CCDC15: variants seen among roughly 807,000 people sequenced by gnomAD.
CCDC15 encodes the protein coiled-coil domain-containing protein 15.
Under a neutral mutation model 114.5 loss-of-function variants are expected in CCDC15, and 105 were observed. That is an observed-to-expected ratio of 0.92 (90% CI 0.78 to 1.08). The LOEUF is 1.08. Among genes scored for constraint, CCDC15 ranks in the 50% least tolerant of loss-of-function variants. CCDC15 has a pLI of 0.00. For missense variants in CCDC15, 1,105 were observed against 1,093.6 expected (o/e 1.01, Z -0.15); for synonymous variants, 334 against 377.8 (o/e 0.88, Z 1.34).
chr11:125,006,687 T>A (rs370030835), intron 13 of CCDC15, among the ~76,000 whole-genome samples: 44 of 152,326 alleles, frequency 2.9e-4, no homozygotes, highest in African/African-American at 9.6e-4. Context: ...CTTTGTTAAT[T>A]TTTGTGAGAG....
chr11:124,989,063 T>TA (rs532163380), intron 8 of CCDC15, among the ~76,000 whole-genome samples: 113 of 152,366 alleles, frequency 7.4e-4, no homozygotes, highest in Admixed American at 2.6e-3. Context: ...GGTATCAACT[T>TA]ACTTTGCCCA....
intron 4 of CCDC15, among the ~76,000 whole-genome samples, chr11:124,960,912 A>G (rs183811278): frequency 7.9e-5 from 12 of 152,344 alleles, no homozygotes; most frequent in African/African-American, 2.9e-4. Flanking sequence ...TGAGTATGTG[A>G]AAATAAAAGC....
At chr11:124,975,419 GTGTC>G (rs1191168342) in intron 5 of CCDC15, among the ~76,000 whole-genome samples, 1 of 152,150 alleles carries the variant, frequency 6.6e-6, no homozygotes. Flanking sequence ...ATAAGGGAAA[GTGTC>G]TGTGATATAA....
intron 11 of CCDC15, among the ~76,000 whole-genome samples, chr11:124,999,854 CTTTTTTTTTTT>C (rs768089942): frequency 1.4e-5 from 1 of 70,122 alleles, no homozygotes; most frequent in East Asian, 3.8e-4. Flanking sequence ...GTATCCTAGA[CTTTTTTTTTTT>C]TTTTTTTTTT....
chr11:125,035,768 G>A (rs1002910604), intron 13 of CCDC15, among the ~76,000 whole-genome samples: 3 of 152,014 alleles, frequency 2.0e-5, no homozygotes, highest in Admixed American at 6.5e-5. Context: ...GTTACGATGA[G>A]GCTTGCAAAT....
chr11:124,969,321 C>G (rs1947840225), intron 4 of CCDC15, among the ~76,000 whole-genome samples: 1 of 152,092 alleles, frequency 6.6e-6, no homozygotes, highest in Admixed American at 6.5e-5. Flanking sequence ...GAAGAAATTT[C>G]AAGTGTCTTA....
At chr11:124,964,349 G>T (rs578165145) in intron 4 of CCDC15, among the ~76,000 whole-genome samples, 3 of 152,228 alleles carry the variant, frequency 2.0e-5, no homozygotes, top group Non-Finnish European at 4.4e-5. Flanking sequence ...CCTTGAAGAG[G>T]TCCTTCACAT....
At chr11:125,023,096 C>A (rs1256787453) in intron 13 of CCDC15, among the ~76,000 whole-genome samples, 13 of 151,796 alleles carry the variant, frequency 8.6e-5, no homozygotes, top group Admixed American at 6.6e-5. Flanking sequence ...TTTGCCTAAC[C>A]CAAGGTCACA....
rs575417338 is a variant in CCDC15, at chr11:125,028,223, G to A, written c.2412-10208G>A. 1.6e-3 allele frequency among the ~76,000 whole-genome samples: 247 copies of A among 152,238 alleles called. 2 individuals are homozygous for A. The Middle Eastern group carries it at 0.017, about 11-fold the overall frequency. ...CCTCCAGGTTTGTTCTCTTTTCTTA[G>A]TATTGCTTTGGCTATGTGGGCTCTT... On this transcript the variant is annotated intron_variant, in intron 13 of 15. Transcript: ENST00000344762.
Position 125,039,073 on chromosome 11 carries a change from A to C in CCDC15, c.2734+4A>C. ...ATTTTCTATAAAAACCACAGAGGTAAGTTTCTTGAAGGAATAGTCAGGGCC... is the reference window on the plus strand; with the variant it reads ...ATTTTCTATAAAAACCACAGAGGTACGTTTCTTGAAGGAATAGTCAGGGCC... On this transcript the variant is annotated splice_donor_region_variant and intron_variant, in intron 15 of 15. Coordinates refer to ENST00000344762, the MANE Select transcript of CCDC15 (RefSeq NM_025004.3). 6.3e-7 allele frequency: 1 copy of C among 1,582,874 alleles called. No individual in the cohort carries two copies.
At chr11:124,989,321 A>G (rs1404641151) in intron 8 of CCDC15, among the ~76,000 whole-genome samples, 1 of 152,224 alleles carries the variant, frequency 6.6e-6, no homozygotes, top group Non-Finnish European at 1.5e-5. Flanking sequence ...TAAGTGTAAA[A>G]TATTCTGTAA....
chr11:124,960,135 C>CT (rs57279788), intron 4 of CCDC15, 132 bp downstream of exon 4: 51,259 of 431,314 alleles, frequency 0.12, 1,631 homozygotes, highest in African/African-American at 0.15. Context: ...AATCATCCCC[C>CT]TTTTTTTTTT....
chr11:125,018,629 C>A (rs995467622), intron 13 of CCDC15, among the ~76,000 whole-genome samples: 1 of 151,900 alleles, frequency 6.6e-6, no homozygotes, highest in East Asian at 1.9e-4. Context: ...CCTCTATATA[C>A]AATAAGGATA....
In CCDC15 at chr11:124,986,700, T is replaced by TGTGTGTGTGTGCGCGC. The variant is rs878887902; in HGVS notation, c.754-41_754-40insTGTGTGTGTGCGCGCG. ...GTGTGTGTGTGTGTGTTTGTGTGTG[T>TGTGTGTGTGTGCGCGC]GCGCGCGCGCGCGTGCGCGTTTTCA... On this transcript the variant is annotated intron_variant, in intron 6 of 15. Transcript: ENST00000344762. The TGTGTGTGTGTGCGCGC allele has an allele frequency of 3.6e-4, 490 of 1,352,918 alleles. 1 individual carries two copies. In the African/African-American group the frequency reaches 5.4e-3, roughly 15 times the overall value. 83.8% of individuals were successfully genotyped at this position (1,352,918 alleles called of 1,614,324 possible). A position where few individuals can be genotyped will look rare whatever the true frequency, so the allele number is the denominator to read the frequency against.
chr11:124,996,746 T>C (rs1053128211), intron 11 of CCDC15, among the ~76,000 whole-genome samples: 14 of 152,216 alleles, frequency 9.2e-5, no homozygotes, highest in Non-Finnish European at 1.3e-4. Flanking sequence ...CATTCTACTT[T>C]CTGTATTCAT....
At chr11:125,005,043 A>G in intron 12 of CCDC15, 66 bp from the exon 13 acceptor site, 1 of 677,830 alleles carries the variant, frequency 1.5e-6, no homozygotes, top group East Asian at 2.9e-5. Flanking sequence ...TGGTATAAGA[A>G]TATTTTTCTT....
At chr11:125,008,125 A>G (rs912155688) in intron 13 of CCDC15, among the ~76,000 whole-genome samples, 2 of 152,236 alleles carry the variant, frequency 1.3e-5, no homozygotes, top group Admixed American at 6.5e-5. Flanking sequence ...GAGAACTGAC[A>G]TCTTGACAAT....
chr11:125,008,729 C>T (rs529281150), intron 13 of CCDC15, among the ~76,000 whole-genome samples: 46 of 151,856 alleles, frequency 3.0e-4, no homozygotes, highest in African/African-American at 1.1e-3. Context: ...AGTCTCGCTC[C>T]GTTGCTAGGC....
chr11:125,001,870 G>GTT (rs570763590), intron 11 of CCDC15, among the ~76,000 whole-genome samples: 1 of 148,792 alleles, frequency 6.7e-6, no homozygotes, highest in Non-Finnish European at 1.5e-5. Context: ...TTGTGTACAA[G>GTT]TTTTTTTTTT....
Sources: gnomAD v4.1 joint callset for allele counts (sites outside exome capture counted in the v4.1 genomes callset) on GRCh38, gnomAD v4.1.1 for gene constraint, MANE v1.5 for transcripts, NCBI Gene and HGNC (gene_info 2026-07-23, HGNC 2026-07-21) for gene names.